The following RASSF3 variants were observed in gnomAD, a reference collection of about 807,000 sequenced individuals.
RASSF3 encodes Ras association domain family member 3, also known as ras association domain-containing protein 3.
A neutral mutation model predicts 19.9 loss-of-function variants in RASSF3; 19 were observed. That is an observed-to-expected ratio of 0.96 (90% confidence interval 0.67 to 1.40). The LOEUF is 1.40. Ranked by LOEUF, RASSF3 falls within the 40% of genes most tolerant of loss-of-function variation. The probability of loss-of-function intolerance (pLI) is 0.00; values close to 1 mark genes in which losing one functional copy is unlikely to be tolerated. For synonymous variants in RASSF3, 110 were observed against 104.2 expected (o/e 1.06, Z -0.34); for missense variants, 306 against 289.8 (o/e 1.06, Z -0.41).
At chr12:64,514,478 C>A (rs1274760950) in intron 1 of RASSF3, among the ~76,000 whole-genome samples, 1 of 152,092 alleles carries the variant, frequency 6.6e-6, no homozygotes, top group Non-Finnish European at 1.5e-5. Context: ...AGCCACCGTG[C>A]CCGGCCAGAA....
intron 1 of RASSF3, among the ~76,000 whole-genome samples, chr12:64,618,839 A>G (rs987806339): frequency 6.6e-6 from 1 of 152,134 alleles, no homozygotes; most frequent in Non-Finnish European, 1.5e-5. Context: ...AAGCAATCGA[A>G]ACGTGGCTAG....
rs548213946 is a variant in RASSF3 at position 64,650,300 on chromosome 12, C to T, written c.112-34487C>T. On this transcript the variant is annotated intron_variant, in intron 1 of 4. Transcript: ENST00000542104. ...GTGCCTCAAGGCAAGCCTGAAGCAGCGCTGCCATGACAGGACCTTGACAGG... is the reference window on the plus strand; with the variant it reads ...GTGCCTCAAGGCAAGCCTGAAGCAGTGCTGCCATGACAGGACCTTGACAGG... Among the ~76,000 whole-genome samples, 5 of 152,064 alleles carry T rather than the reference C, an allele frequency of 3.3e-5. No homozygotes were observed. In the East Asian group the frequency reaches 5.8e-4, roughly 18 times the overall value.
chr12:64,565,172 A>C (rs1031009307), intron 2 of RASSF3, among the ~76,000 whole-genome samples: 1 of 152,048 alleles, frequency 6.6e-6, no homozygotes, highest in Non-Finnish European at 1.5e-5. Context: ...AATCAGAAAA[A>C]AAAAAAAAAG....
chr12:64,689,707 T>G (rs1873501840), intron 3 of RASSF3, among the ~76,000 whole-genome samples: 1 of 152,124 alleles, frequency 6.6e-6, no homozygotes, highest in African/African-American at 2.4e-5. Context: ...TGTGTGTGTC[T>G]AGCATGAGAC....
At chr12:64,538,279 C>T (rs758125843) in intron 1 of RASSF3, among the ~76,000 whole-genome samples, 6 of 152,140 alleles carry the variant, frequency 3.9e-5, no homozygotes, top group Non-Finnish European at 7.4e-5. Context: ...AGGCATGAGC[C>T]GCTGTGCCTG....
intron 1 of RASSF3, among the ~76,000 whole-genome samples, chr12:64,648,800 T>A (rs955330055): frequency 9.3e-5 from 11 of 118,820 alleles, no homozygotes; most frequent in Admixed American, 4.5e-4. Context: ...GTTTTTACAT[T>A]GATTTTTTTT....
At chr12:64,510,090 CAAA>C (rs67684990) in intron 1 of RASSF3, among the ~76,000 whole-genome samples, 7 of 107,296 alleles carry the variant, frequency 6.5e-5, no homozygotes, top group African/African-American at 1.5e-4. Flanking sequence ...AACTCCATCT[CAAA>C]AAAAAAAAAA....
intron 1 of RASSF3, among the ~76,000 whole-genome samples, chr12:64,525,131 C>G (rs1277621018): frequency 6.6e-6 from 1 of 152,050 alleles, no homozygotes; most frequent in Non-Finnish European, 1.5e-5. Flanking sequence ...CAAAAATTAG[C>G]CAGGCGTGGT....
rs1039718535 is a variant in RASSF3 at position 64,552,747 on chromosome 12, G to A, written c.294+11042G>A. ...CTGCATAGTATTCCATAGTGTATAT[G>A]TACCACATTTCCTTTATCCAGTCTA... On this transcript the variant is annotated intron_variant, in intron 2 of 5. Transcript: ENST00000637125. Among the ~76,000 whole-genome samples, 15 of 152,164 alleles carry A rather than the reference G, an allele frequency of 9.9e-5. 1 individual carries two copies. Among genetic ancestry groups the A allele is most frequent in the Admixed American group, 2.0e-4 (3 of 15,258 alleles).
downstream of RASSF3, among the ~76,000 whole-genome samples, chr12:64,544,343 A>G (rs1265360879): frequency 6.6e-6 from 1 of 152,172 alleles, no homozygotes; most frequent in Non-Finnish European, 1.5e-5. Context: ...CGAACCAACC[A>G]GAAGGAACAA....
At chr12:64,522,863 G>A (rs954838739) in intron 1 of RASSF3, among the ~76,000 whole-genome samples, 1 of 152,126 alleles carries the variant, frequency 6.6e-6, no homozygotes, top group African/African-American at 2.4e-5. Context: ...TGGGGGAAAG[G>A]TGGGGAAAAG....
intron 1 of RASSF3, among the ~76,000 whole-genome samples, chr12:64,676,467 C>CTTTTTT (rs34917109): frequency 4.3e-5 from 3 of 69,772 alleles, no homozygotes; most frequent in African/African-American, 6.1e-5. Flanking sequence ...CTGTGCCCAG[C>CTTTTTT]TTTTTTTTTT....
intron 2 of RASSF3, among the ~76,000 whole-genome samples, chr12:64,592,164 G>T (rs904781484): frequency 6.6e-6 from 1 of 152,228 alleles, no homozygotes; most frequent in South Asian, 2.1e-4. Context: ...GTTTCCCAAA[G>T]TGCTGGGATT....
intron 2 of RASSF3, among the ~76,000 whole-genome samples, chr12:64,588,790 C>T (rs1008745201): frequency 1.3e-5 from 2 of 152,050 alleles, no homozygotes; most frequent in Non-Finnish European, 2.9e-5. Context: ...ATGAGCATTT[C>T]TCCGTGGTTT....
chr12:64,636,323 A>G (rs1315931372), intron 1 of RASSF3, among the ~76,000 whole-genome samples: 2 of 151,928 alleles, frequency 1.3e-5, no homozygotes, highest in South Asian at 2.1e-4. Context: ...CCATGTTGCC[A>G]GGCTGGTCTT....
In RASSF3 at chr12:64,610,577, C is replaced by G. The variant is rs1870309760; in HGVS notation, c.-56C>G. ...CGCGGGGCTGGCGGGCGCCGCACCC[C>G]CTCCCTGGCCGCCTGCGCCCCGGGG... is the stretch of plus-strand genomic sequence containing the variant. On this transcript the variant is annotated 5_prime_UTR_variant, in exon 1 of 5. Transcript: ENST00000542104. 8.6e-6 allele frequency: 9 copies of G among 1,045,554 alleles called. No homozygotes were observed. Among genetic ancestry groups the G allele is most frequent in the Non-Finnish European group, 1.0e-5 (8 of 785,882 alleles). 64.8% of individuals were successfully genotyped at this position (1,045,554 alleles called of 1,614,324 possible). A position where few individuals can be genotyped will look rare whatever the true frequency, so the allele number is the denominator to read the frequency against.
chr12:64,608,475 A>G (rs1479338290), upstream of RASSF3, among the ~76,000 whole-genome samples: 1 of 152,044 alleles, frequency 6.6e-6, no homozygotes, highest in South Asian at 2.1e-4. Flanking sequence ...ACCACGCCCA[A>G]CTAATTTTTG....
At chr12:64,515,265 C>T (rs1414822876) in intron 1 of RASSF3, among the ~76,000 whole-genome samples, 1 of 152,136 alleles carries the variant, frequency 6.6e-6, no homozygotes, top group Non-Finnish European at 1.5e-5. Flanking sequence ...CCATGTTGGC[C>T]AGGCTGATCT....
At chr12:64,646,597 G>GT (rs533014757) in intron 1 of RASSF3, among the ~76,000 whole-genome samples, 86 of 152,286 alleles carry the variant, frequency 5.6e-4, no homozygotes, top group African/African-American at 1.9e-3. Flanking sequence ...CCCATCTACT[G>GT]TAAGTTAACA....
Sources: gnomAD v4.1 joint callset for allele counts (sites outside exome capture counted in the v4.1 genomes callset) on GRCh38, gnomAD v4.1.1 for gene constraint, MANE v1.5 for transcripts, NCBI Gene and HGNC (gene_info 2026-07-23, HGNC 2026-07-21) for gene names.